The following STXBP5L variants were observed in gnomAD, a reference collection of about 807,000 sequenced individuals.
The protein encoded by STXBP5L is syntaxin-binding protein 5-like.
In STXBP5L, 65 loss-of-function variants were observed where a neutral mutation model predicts 144.5. The ratio of observed to expected loss-of-function variants is 0.45; its 90% CI spans 0.37 to 0.55. The LOEUF is 0.55. Ranked by LOEUF, STXBP5L falls within the 20% of genes least tolerant of loss-of-function variation. The pLI, the probability that STXBP5L is intolerant of heterozygous loss-of-function variation, is 0.00. For missense variants in STXBP5L, 1,298 were observed against 1,405.5 expected, an observed-to-expected ratio of 0.92 and a Z score of 1.22; for synonymous variants, 505 against 469.6, an observed-to-expected ratio of 1.08 and a Z score of -0.97.
chr3:121,285,522 T>C (rs2051201613), intron 19 of STXBP5L, among the ~76,000 whole-genome samples: 1 of 152,060 alleles, frequency 6.6e-6, no homozygotes, highest in African/African-American at 2.4e-5. Flanking sequence ...ATTCCATAGG[T>C]TAGGCTCCAA....
chr3:121,364,851 T>G (rs2045819137), intron 20 of STXBP5L, among the ~76,000 whole-genome samples: 1 of 151,952 alleles, frequency 6.6e-6, no homozygotes, highest in African/African-American at 2.4e-5. Flanking sequence ...GGAATCTTTG[T>G]TTTTATATAT....
intron 21 of STXBP5L, 142 bp downstream of exon 21, chr3:121,379,028 C>T (rs1379626236): frequency 4.5e-6 from 4 of 889,402 alleles, no homozygotes; most frequent in Non-Finnish European, 3.3e-6. Context: ...CCTGATGGGG[C>T]TGTGGCCATA....
At chr3:121,174,811 A>G (rs545414609) in intron 9 of STXBP5L, among the ~76,000 whole-genome samples, 1 of 152,252 alleles carries the variant, frequency 6.6e-6, no homozygotes, top group South Asian at 2.1e-4. Flanking sequence ...TTGCTGGAGA[A>G]AGGAAACAGC....
chr3:121,368,827 T>C (rs1392759665), intron 20 of STXBP5L, among the ~76,000 whole-genome samples: 1 of 152,158 alleles, frequency 6.6e-6, no homozygotes, highest in Non-Finnish European at 1.5e-5. Context: ...AATTCTTTAA[T>C]GTCTGGCTCT....
At chr3:121,097,265 C>G (rs552963451) in intron 5 of STXBP5L, among the ~76,000 whole-genome samples, 3 of 152,140 alleles carry the variant, frequency 2.0e-5, no homozygotes, top group African/African-American at 7.2e-5. Context: ...TGGGACCCAC[C>G]GAGCCAGACC....
At chr3:121,124,927 A>G (rs1320108284) in intron 7 of STXBP5L, among the ~76,000 whole-genome samples, 1 of 152,128 alleles carries the variant, frequency 6.6e-6, no homozygotes, top group African/African-American at 2.4e-5. Flanking sequence ...AAAACATTCC[A>G]CCTATTTCCA....
At chr3:121,079,753 A>G (rs911411819) in intron 5 of STXBP5L, among the ~76,000 whole-genome samples, 4 of 152,162 alleles carry the variant, frequency 2.6e-5, no homozygotes, top group Admixed American at 2.6e-4. Context: ...GTCATGGTCT[A>G]TCTTGGAGAA....
chr3:121,094,924 C>T (rs2107752887), intron 5 of STXBP5L, among the ~76,000 whole-genome samples: 1 of 152,172 alleles, frequency 6.6e-6, no homozygotes, highest in East Asian at 1.9e-4. Context: ...TTGTTCCTCT[C>T]CATGTTTAGT....
At chr3:121,133,616 C>T (rs748019706) in intron 7 of STXBP5L, among the ~76,000 whole-genome samples, 6 of 152,130 alleles carry the variant, frequency 3.9e-5, no homozygotes, top group Non-Finnish European at 7.3e-5. Context: ...AGATTTGACT[C>T]GCAAGAAATG....
At chr3:121,163,567 C>T (rs979839881) in intron 9 of STXBP5L, among the ~76,000 whole-genome samples, 4 of 152,042 alleles carry the variant, frequency 2.6e-5, no homozygotes, top group South Asian at 2.1e-4. Context: ...TCTGCACATA[C>T]ATCCCAGAGC....
chr3:120,933,902 T>C (rs1451688162), intron 2 of STXBP5L, among the ~76,000 whole-genome samples: 3 of 152,126 alleles, frequency 2.0e-5, no homozygotes, highest in Non-Finnish European at 4.4e-5. Context: ...CTCCTTTATC[T>C]AGAGAGTGGA....
intron 5 of STXBP5L, among the ~76,000 whole-genome samples, chr3:121,086,176 G>T (rs987772391): frequency 6.6e-6 from 1 of 152,110 alleles, no homozygotes; most frequent in African/African-American, 2.4e-5. Context: ...ATGGATTAAA[G>T]ACTTTTTTCT....
intron 10 of STXBP5L, among the ~76,000 whole-genome samples, chr3:121,209,748 C>T (rs1184056074): frequency 6.6e-6 from 1 of 152,202 alleles, no homozygotes; most frequent in East Asian, 1.9e-4. Context: ...CATGTCCCTA[C>T]AAAGGACGTG....
chr3:121,037,791 A>G (rs1040624061), intron 3 of STXBP5L, among the ~76,000 whole-genome samples: 1 of 151,958 alleles, frequency 6.6e-6, no homozygotes, highest in Non-Finnish European at 1.5e-5. Flanking sequence ...TGGTATCTTG[A>G]CCTGGAGTTT....
chr3:120,980,432 T>G (rs949300921), intron 3 of STXBP5L, among the ~76,000 whole-genome samples: 2 of 151,264 alleles, frequency 1.3e-5, no homozygotes, highest in African/African-American at 4.9e-5. Flanking sequence ...TTGTTGAATT[T>G]ATCACTTTAT....
At position 121,185,794 on chromosome 3, in the gene STXBP5L, C is replaced by T. The variant is rs182733220; in HGVS notation, c.878-20129C>T. Among the ~76,000 whole-genome samples, 15 of 150,742 alleles carry T rather than the reference C, an allele frequency of 1.0e-4. No individual in the cohort carries two copies. In the East Asian group the frequency reaches 2.9e-3, roughly 29 times the overall value. On this transcript the variant is annotated intron_variant, in intron 9 of 26. Transcript: ENST00000471454. ...TTGGCAATGTGGGCCCTTTTTGGTT[C>T]CATATGAACTTTAAAGTTGTTTTTT...
chr3:121,413,217 T>A lies in STXBP5L; in HGVS notation c.3008T>A (p.Ile1003Lys), dbSNP rs747762936. Residue 1003 changes from isoleucine to lysine, a missense_variant, in exon 24 of 27, where the codon ATA becomes AAA. Ile to Lys is a moderately radical substitution (Grantham distance 102). Transcript: ENST00000471454. ...TATTTGCCACTGACAGACATGAGGA[T>A]AGCACGAACATTTTGTTTTACCAAT... ...VNYLPLTDMR[I>K]ARTFCFTNEG... The A allele has an allele frequency of 2.5e-6, 4 of 1,610,502 alleles. No homozygotes were observed. Among genetic ancestry groups the A allele is most frequent in the African/African-American group, 1.3e-5 (1 of 74,764 alleles).
At chr3:120,974,643 G>T (rs182371059) in intron 3 of STXBP5L, among the ~76,000 whole-genome samples, 2 of 152,146 alleles carry the variant, frequency 1.3e-5, no homozygotes, top group South Asian at 4.1e-4. Context: ...ATGTTAATGC[G>T]TAGGTTTTCT....
chr3:121,304,965 ATAAT>A lies in STXBP5L; in HGVS notation c.2111-13505_2111-13502del, dbSNP rs755683727. On this transcript the variant is annotated intron_variant, in intron 19 of 26. Coordinates refer to ENST00000471454, the MANE Select transcript of STXBP5L (RefSeq NM_001308330.2). Reference sequence around the variant, plus strand: ...CAATACTGATCCAGAAAGAAGAAACATAATTAATACCAGGAGTGAAAAAAAAGCA... The same window carrying A: ...CAATACTGATCCAGAAAGAAGAAACATAATACCAGGAGTGAAAAAAAAGCA... 3.9e-5 allele frequency among the ~76,000 whole-genome samples: 6 copies of A among 152,180 alleles called. No individual in the cohort carries two copies. In the East Asian group the frequency reaches 9.6e-4, roughly 24 times the overall value.
Sources: allele counts gnomAD v4.1 joint callset (sites outside exome capture counted in the v4.1 genomes callset), GRCh38; gene constraint gnomAD v4.1.1; transcripts MANE v1.5; gene names NCBI Gene and HGNC (gene_info 2026-07-23, HGNC 2026-07-21).